The following TTLL4 variants were observed in gnomAD, a reference collection of about 807,000 sequenced individuals.
TTLL4 encodes tubulin monoglutamylase TTLL4.
Under a neutral mutation model 122.7 loss-of-function variants are expected in TTLL4, and 85 were observed. The observed-to-expected ratio is 0.69, with a 90% CI of 0.58 to 0.83. The LOEUF (loss-of-function observed/expected upper bound fraction) is 0.83. Ranked by LOEUF, TTLL4 falls within the 40% of genes least tolerant of loss-of-function variation. The pLI is 0.00. For missense variants in TTLL4, 1,363 were observed against 1,488.6 expected (o/e 0.92, Z 1.39); for synonymous variants, 553 against 563.0 (o/e 0.98, Z 0.25).
chr2:218,717,339 G>A lies in TTLL4; in HGVS notation c.-178+6302G>A, dbSNP rs151062525. Among the ~76,000 whole-genome samples the A allele has an allele frequency of 1.1e-3, 173 of 152,190 alleles. 2 individuals carry two copies. The highest frequency in any genetic ancestry group is 3.9e-3 in the African/African-American group (164 of 41,520). On this transcript the variant is annotated intron_variant, in intron 1 of 19. Coordinates refer to ENST00000392102, the MANE Select transcript of TTLL4 (RefSeq NM_014640.5). ...GGATCTTAGGGTCCCCTCAGGGTCT[G>A]TGGACCATGCTTTGAGAACTGCTGC... is the stretch of plus-strand genomic sequence containing the variant.
intron 16 of TTLL4, 41 bp downstream of exon 16, chr2:218,751,847 C>T: frequency 2.0e-6 from 3 of 1,524,162 alleles, no homozygotes; most frequent in Non-Finnish European, 2.7e-6. Context: ...CAGAAAACTT[C>T]CCTGGTCAAA....
intron 2 of TTLL4, among the ~76,000 whole-genome samples, chr2:218,732,759 T>C (rs1343662540): frequency 6.6e-6 from 1 of 152,242 alleles, no homozygotes; most frequent in Non-Finnish European, 1.5e-5. Flanking sequence ...ATTGGGGGTC[T>C]GGGACCCAAG....
At position 218,735,468 on chromosome 2, in the gene TTLL4, G is replaced by T. The variant is rs139998631; in HGVS notation, c.-98-2111G>T. Among the ~76,000 whole-genome samples the T allele has an allele frequency of 4.4e-3, 663 of 152,214 alleles. 5 individuals carry two copies. Among genetic ancestry groups the T allele is most frequent in the African/African-American group, 0.015 (625 of 41,528 alleles). On this transcript the variant is annotated intron_variant, in intron 2 of 19. Coordinates refer to ENST00000392102, the MANE Select transcript of TTLL4 (RefSeq NM_014640.5). ...GCATGCCTGTGGTCCCAGCTATTTG[G>T]GAGGCTGAAGGGGGAGGATCATTTG... is the stretch of plus-strand genomic sequence containing the variant.
At chr2:218,750,334 C>G (rs577382556) in intron 15 of TTLL4, among the ~76,000 whole-genome samples, 188 bp downstream of exon 15, 48 of 152,264 alleles carry the variant, frequency 3.2e-4, no homozygotes, top group Middle Eastern at 3.4e-3. Context: ...TTATGTTGAT[C>G]CCCTGCTTAG....
chr2:218,718,024 C>T (rs567148348), intron 1 of TTLL4, among the ~76,000 whole-genome samples: 2 of 152,092 alleles, frequency 1.3e-5, no homozygotes, highest in East Asian at 3.9e-4. Flanking sequence ...CTCCTGACCT[C>T]GTGATCCACC....
rs969228380 is a variant in TTLL4 at position 218,738,907 on chromosome 2, A to C, written c.1231A>C (p.Asn411His). 1.9e-6 allele frequency: 3 copies of C among 1,614,106 alleles called. No individual in the cohort carries two copies. The African/African-American group carries it at 4.0e-5, about 22-fold the overall frequency. Reference protein sequence around the residue: ...PGASDTLGLDNTVFCTKRISI... With the variant: ...PGASDTLGLDHTVFCTKRISI... ...TGCCTCAGATACCTTGGGGTTGGACAATACAGTCTTCTGTACCAAGCGTAT... is the reference window on the plus strand; with the variant it reads ...TGCCTCAGATACCTTGGGGTTGGACCATACAGTCTTCTGTACCAAGCGTAT... The change falls in exon 3 of 20, where the codon AAT becomes CAT. Residue 411 changes from asparagine to histidine, a missense_variant. Around this residue, in one of 3 missense-constraint regions of TTLL4, gnomAD observed 760 missense variants for 808.4 expected, o/e 0.94. Transcript: ENST00000392102.
rs777018760 is a variant in TTLL4 at position 218,747,745 on chromosome 2, T to C, written c.2378+20T>C. The C allele has an allele frequency of 1.2e-6, 2 of 1,613,976 alleles. No individual in the cohort carries two copies. Among genetic ancestry groups the C allele is most frequent in the Middle Eastern group, 1.7e-4 (1 of 6,060 alleles). ...TTGCAAGTATGTGACAGTGGTGAGG[T>C]ATCCTCTGACAATATTGGGGATTTT... On this transcript the variant is annotated intron_variant, in intron 11 of 19. Coordinates refer to ENST00000392102, the MANE Select transcript of TTLL4 (RefSeq NM_014640.5). The surrounding 1 kb of genome is among the most constrained non-coding windows in gnomAD (Gnocchi z 4.7).
chr2:218,718,418 G>A (rs57828342), intron 1 of TTLL4, among the ~76,000 whole-genome samples: 6,016 of 148,480 alleles, frequency 0.041, 379 homozygotes, highest in African/African-American at 0.14. Context: ...CACTCTTGTT[G>A]CCCAGGCTGG....
At chr2:218,748,654 CAAAAAAAAAAA>C (rs570493846) in intron 12 of TTLL4, 171 bp from the exon 13 acceptor site, 2 of 224,978 alleles carry the variant, frequency 8.9e-6, no homozygotes, top group East Asian at 8.9e-5. Flanking sequence ...AACTCCATCT[CAAAAAAAAAAA>C]AAAAAAAAAA....
chr2:218,745,740 C>T lies in TTLL4; in HGVS notation c.1836C>T (p.Ser612=), dbSNP rs1942825713. 1 of 1,613,472 alleles carries T rather than the reference C, an allele frequency of 6.2e-7. No homozygotes were observed. The highest frequency in any genetic ancestry group is 8.5e-7 in the Non-Finnish European group (1 of 1,179,814). The change falls in exon 7 of 20, where the codon AGC becomes AGT. Residue 612 remains serine, a synonymous_variant. Coordinates refer to ENST00000392102, the MANE Select transcript of TTLL4 (RefSeq NM_014640.5). ...EQRKLLRWKM[S]TVTPNIVKQT... is the part of the protein sequence containing the mutation. ...GGAAGTTGCTCCGATGGAAGATGAG[C>T]ACAGTGACCCCCAACATTGTCAAGC...
At chr2:218,749,762 C>G (rs1256294943) in intron 14 of TTLL4, among the ~76,000 whole-genome samples, 1 of 152,172 alleles carries the variant, frequency 6.6e-6, no homozygotes, top group East Asian at 1.9e-4. Context: ...CCACCACGCC[C>G]AGCCAGTTGT....
chr2:218,738,890 A>T lies in TTLL4; in HGVS notation c.1214A>T (p.Asp405Val), dbSNP rs1459189134. 2 of 1,614,212 alleles carry T rather than the reference A, an allele frequency of 1.2e-6. No homozygotes were observed. Among genetic ancestry groups the T allele is most frequent in the East Asian group, 4.5e-5 (2 of 44,888 alleles). Residue 405 changes from aspartate to valine, a missense_variant, in exon 3 of 20, where the codon GAT becomes GTT. Around this residue, in one of 3 missense-constraint regions of TTLL4, gnomAD observed 760 missense variants for 808.4 expected, o/e 0.94. Coordinates refer to ENST00000392102, the MANE Select transcript of TTLL4 (RefSeq NM_014640.5). ...SVRRVLPGAS[D>V]TLGLDNTVFC... ...AGGCGGGTCCTCCCTGGTGCCTCAG[A>T]TACCTTGGGGTTGGACAATACAGTC...
chr2:218,748,199 G>A lies in TTLL4; in HGVS notation c.2473G>A (p.Asp825Asn), dbSNP rs1466534750. 6.2e-6 allele frequency: 10 copies of A among 1,614,058 alleles called. No individual in the cohort carries two copies. Among genetic ancestry groups the A allele is most frequent in the African/African-American group, 2.7e-5 (2 of 74,930 alleles). Residue 825 changes from aspartate to asparagine, a missense_variant, in exon 12 of 20, where the codon GAT (aspartate) becomes AAT (asparagine). Physicochemically the swap from Asp to Asn is conservative, Grantham distance 23 (BLOSUM62 1). Around this residue, in one of 3 missense-constraint regions of TTLL4, gnomAD observed 596 missense variants for 655.8 expected, o/e 0.91. Coordinates refer to ENST00000392102, the MANE Select transcript of TTLL4 (RefSeq NM_014640.5). ...GAATGCCGAGTACCAGGCCAATGCAGATGAAATGGCTTGCCAGGGCCACAA... is the reference window on the plus strand; with the variant it reads ...GAATGCCGAGTACCAGGCCAATGCAAATGAAATGGCTTGCCAGGGCCACAA... Reference protein sequence around the residue: ...KKNAEYQANADEMACQGHKWA... With the variant: ...KKNAEYQANANEMACQGHKWA...
In TTLL4 at chr2:218,737,607, A is replaced by G. The variant is rs1264430368; in HGVS notation, c.-70A>G. The G allele has an allele frequency of 1.3e-5, 20 of 1,492,480 alleles. No individual in the cohort carries two copies. Among genetic ancestry groups the G allele is most frequent in the Non-Finnish European group, 1.6e-5 (18 of 1,112,562 alleles). 92.5% of individuals were successfully genotyped at this position (1,492,480 alleles called of 1,614,324 possible). On this transcript the variant is annotated 5_prime_UTR_variant, in exon 3 of 20. Transcript: ENST00000392102. ...GACAGACTTCAAGGATGCAGCTGCT[A>G]CTACCGGAGGTGTGTGGCACCTTAC...
chr2:218,758,844 G>A (rs1943194364), downstream of TTLL4, among the ~76,000 whole-genome samples: 1 of 152,208 alleles, frequency 6.6e-6, no homozygotes, highest in Admixed American at 6.5e-5. Flanking sequence ...AATGTTCATA[G>A]CAGCTTATTC....
At position 218,747,194 on chromosome 2, in the gene TTLL4, A is replaced by C; in HGVS notation, c.2166A>C (p.Pro722=). The part of the protein sequence containing the change: ...SSSRQKWIVK[P]PASARGIGIQ... ...GCCGCCAAAAGTGGATTGTGAAGCC[A>C]GTGAGTGAATCACAGTGGGCAGGAG... The change falls in exon 9 of 20, where the codon CCA becomes CCC. Residue 722 remains proline, a splice_region_variant and synonymous_variant. Coordinates refer to ENST00000392102, the MANE Select transcript of TTLL4 (RefSeq NM_014640.5). This position sits in a 1 kb window ranked among gnomAD's most constrained non-coding sequence, Gnocchi z 4.7. The C allele has an allele frequency of 6.2e-7, 1 of 1,614,196 alleles. No individual in the cohort carries two copies. Among genetic ancestry groups the C allele is most frequent in the Non-Finnish European group, 8.5e-7 (1 of 1,180,020 alleles).
chr2:218,712,382 A>C (rs1397072723), intron 1 of TTLL4, among the ~76,000 whole-genome samples: 1 of 149,788 alleles, frequency 6.7e-6, no homozygotes, highest in Non-Finnish European at 1.5e-5. Flanking sequence ...TCAGCTTCCC[A>C]GTGAACTTTT....
rs764138286 is a variant in TTLL4 at position 218,738,978 on chromosome 2, C to T, written c.1302C>T (p.Asn434=). The part of the protein sequence containing the change: ...LASHASGLNH[N]PACESVIDSS... ...CACATGCCAGTGGGCTCAATCACAA[C>T]CCTGCCTGTGAATCTGTAATTGACT... Residue 434 remains asparagine, a synonymous_variant, in exon 3 of 20, where the codon AAC becomes AAT. Transcript: ENST00000392102. 3.1e-6 allele frequency: 5 copies of T among 1,614,072 alleles called. No homozygotes were observed. The highest frequency in any genetic ancestry group is 2.7e-5 in the African/African-American group (2 of 74,908).
rs1943117182 is a variant in TTLL4 at position 218,754,725 on chromosome 2, G to A, written c.*336G>A. 1 of 342,752 alleles carries A rather than the reference G, an allele frequency of 2.9e-6. No homozygotes were observed. Among genetic ancestry groups the A allele is most frequent in the Non-Finnish European group, 5.4e-6 (1 of 185,732 alleles). The allele number at this position is 342,752 out of a possible 1,614,324, so 21.2% of individuals were successfully genotyped here. ...CATGTGTGGTTTGTCTGGGGGCCCT[G>A]GTGTGGTTGCTGAGTTGTAGCTCAA... On this transcript the variant is annotated 3_prime_UTR_variant, in exon 20 of 20. Coordinates refer to ENST00000392102, the MANE Select transcript of TTLL4 (RefSeq NM_014640.5).
Sources: gnomAD v4.1 joint callset for allele counts (sites outside exome capture counted in the v4.1 genomes callset) on GRCh38, gnomAD v4.1.1 for gene constraint, gnomAD v4.1.1 regional missense constraint, Gnocchi (gnomAD v3.1) non-coding constraint, MANE v1.5 for transcripts, NCBI Gene and HGNC (gene_info 2026-07-23, HGNC 2026-07-21) for gene names.